The following SPICE1 variants were observed in gnomAD, a reference collection of about 807,000 sequenced individuals.
The protein encoded by SPICE1 is spindle and centriole-associated protein 1.
In SPICE1, 75 loss-of-function variants were observed where a neutral mutation model predicts 102.7. That is an observed-to-expected ratio of 0.73 (90% CI 0.61 to 0.88). SPICE1 has a LOEUF of 0.88. Ranked by LOEUF, SPICE1 falls within the 40% of genes least tolerant of loss-of-function variation. The pLI is 0.00. For missense variants in SPICE1, 979 were observed against 1,020.1 expected (o/e 0.96, Z 0.55); for synonymous variants, 308 against 350.3 (o/e 0.88, Z 1.35).
chr3:113,503,342 T>G (rs1427476619), intron 2 of SPICE1, 115 bp from the exon 3 acceptor site: 6 of 1,016,428 alleles, frequency 5.9e-6, no homozygotes, highest in African/African-American at 1.7e-5. Flanking sequence ...CCAAAAATTC[T>G]TTCTTTCTAG....
intron 11 of SPICE1, among the ~76,000 whole-genome samples, chr3:113,463,314 T>C (rs1343363639): frequency 6.6e-6 from 1 of 152,250 alleles, no homozygotes; most frequent in Non-Finnish European, 1.5e-5. Flanking sequence ...AAGTTTTCTA[T>C]ATTTTGTTCA....
chr3:113,464,785 A>G (rs1240242183), intron 11 of SPICE1, among the ~76,000 whole-genome samples: 1 of 152,194 alleles, frequency 6.6e-6, no homozygotes, highest in African/African-American at 2.4e-5. Flanking sequence ...GATAAATGCA[A>G]TAATACCAAT....
chr3:113,496,959 G>A (rs1936903776), intron 4 of SPICE1, among the ~76,000 whole-genome samples: 1 of 152,188 alleles, frequency 6.6e-6, no homozygotes, highest in African/African-American at 2.4e-5. Context: ...GACAATCTGT[G>A]GGTAACTGAC....
chr3:113,460,172 A>C, intron 12 of SPICE1: 1 of 985,418 alleles, frequency 1.0e-6, no homozygotes. Flanking sequence ...CATGAACAAA[A>C]GTTATGAATT....
In SPICE1 at chr3:113,488,934, T is replaced by C. The variant is rs953842721; in HGVS notation, c.611+11A>G. ...CTGAGAGTTGTAAATATTTATGCCA[T>C]ATACACATACCTGTCTGTATTCGTG... On this transcript the variant is annotated intron_variant, in intron 7 of 17. Transcript: ENST00000295872. The C allele has an allele frequency of 6.6e-6, 10 of 1,526,272 alleles. No homozygotes were observed. In the African/African-American group the frequency reaches 1.1e-4, roughly 17 times the overall value. 94.5% of individuals were successfully genotyped at this position (1,526,272 alleles called of 1,614,324 possible).
intron 16 of SPICE1, among the ~76,000 whole-genome samples, chr3:113,447,391 T>TA (rs1465242650): frequency 2.0e-5 from 3 of 152,308 alleles, no homozygotes; most frequent in Admixed American, 6.5e-5. Context: ...AATGTTGATA[T>TA]AATTGACTGA....
intron 14 of SPICE1, among the ~76,000 whole-genome samples, chr3:113,451,903 ACCT>A (rs1935661631): frequency 6.6e-6 from 1 of 151,758 alleles, no homozygotes; most frequent in African/African-American, 2.4e-5. Context: ...CCTCACCCTA[ACCT>A]TCCTCACCAA....
chr3:113,504,983 T>C (rs1937079888), intron 2 of SPICE1, among the ~76,000 whole-genome samples: 1 of 152,212 alleles, frequency 6.6e-6, no homozygotes, highest in Non-Finnish European at 1.5e-5. Context: ...TTTCAAATGA[T>C]AGATTTCAAT....
chr3:113,511,938 G>T (rs552796150), intron 1 of SPICE1, among the ~76,000 whole-genome samples: 12 of 152,240 alleles, frequency 7.9e-5, no homozygotes, highest in African/African-American at 2.9e-4. Flanking sequence ...AACTTTGCCA[G>T]AATTGGGTTA....
intron 1 of SPICE1, 42 bp downstream of exon 1, chr3:113,514,854 GC>G (rs1937292448): frequency 1.6e-6 from 2 of 1,229,992 alleles, no homozygotes; most frequent in South Asian, 2.8e-5. Context: ...AGGTGCTCTG[GC>G]GCCACGCACA....
At chr3:113,492,682 A>G (rs540113963) in intron 6 of SPICE1, among the ~76,000 whole-genome samples, 48 of 152,320 alleles carry the variant, frequency 3.2e-4, no homozygotes, top group African/African-American at 1.2e-3. Context: ...GATCCATGCA[A>G]CAATGATATC....
At chr3:113,474,840 A>G (rs1936297973) in intron 7 of SPICE1, among the ~76,000 whole-genome samples, 1 of 152,242 alleles carries the variant, frequency 6.6e-6, no homozygotes, top group African/African-American at 2.4e-5. Context: ...AAAGCAGGAA[A>G]GATCCAAAAT....
intron 2 of SPICE1, 39 bp from the exon 3 acceptor site, chr3:113,503,266 AGTTTTCTTAT>A: frequency 6.8e-7 from 1 of 1,461,672 alleles, no homozygotes; most frequent in Non-Finnish European, 9.2e-7. Flanking sequence ...AAAAAAAAAA[AGTTTTCTTAT>A]AAAATATACA....
chr3:113,504,915 C>CA (rs1246614816), intron 2 of SPICE1, among the ~76,000 whole-genome samples: 3 of 152,122 alleles, frequency 2.0e-5, no homozygotes, highest in South Asian at 2.1e-4. Context: ...AGTCTACCTT[C>CA]AAAAAACAAA....
chr3:113,468,934 T>C, intron 8 of SPICE1, 35 bp from the exon 9 acceptor site: 2 of 1,589,768 alleles, frequency 1.3e-6, no homozygotes, highest in Non-Finnish European at 1.7e-6. Flanking sequence ...GTATCTCAAG[T>C]GAACAAACTT....
chr3:113,512,405 C>CTTTTTTTTT (rs34015506), intron 1 of SPICE1, among the ~76,000 whole-genome samples: 2 of 104,412 alleles, frequency 1.9e-5, no homozygotes, highest in Admixed American at 1.1e-4. Flanking sequence ...GAAAAGCTTT[C>CTTTTTTTTT]TTTTTTTTTT....
intron 1 of SPICE1, chr3:113,514,671 T>C (rs1937287888): frequency 2.3e-6 from 2 of 853,696 alleles, no homozygotes; most frequent in African/African-American, 1.7e-5. Flanking sequence ...AGGAGCCTTC[T>C]GAGAAGCCCC....
At chr3:113,455,321 AG>A (rs1463342290) in intron 13 of SPICE1, among the ~76,000 whole-genome samples, 1 of 152,254 alleles carries the variant, frequency 6.6e-6, no homozygotes, top group Non-Finnish European at 1.5e-5. Flanking sequence ...ATGGCTGTAA[AG>A]AAAAGCAGAA....
At chr3:113,485,172 G>GTT (rs1346426484) in intron 7 of SPICE1, among the ~76,000 whole-genome samples, 4,419 of 147,156 alleles carry the variant, frequency 0.03, 99 homozygotes, top group East Asian at 0.094. Context: ...CAGGAGTTTT[G>GTT]TTTGTTTTTT....
Sources: allele counts gnomAD v4.1 joint callset (sites outside exome capture counted in the v4.1 genomes callset), GRCh38; gene constraint gnomAD v4.1.1; transcripts MANE v1.5; gene names NCBI Gene and HGNC (gene_info 2026-07-23, HGNC 2026-07-21).